TBC1D30: variants seen among roughly 807,000 people sequenced by gnomAD.
TBC1D30 encodes the protein TBC1 domain family, member 30.
A neutral mutation model predicts 63.2 loss-of-function variants in TBC1D30; 31 were observed. That is an observed-to-expected ratio of 0.49 (90% CI 0.37 to 0.66). TBC1D30 has a LOEUF of 0.66. TBC1D30 is among the 30% of genes least tolerant of loss of function. The pLI, the probability that TBC1D30 is intolerant of heterozygous loss-of-function variation, is 0.00. For missense variants in TBC1D30, 810 were observed against 953.6 expected (o/e 0.85, Z 1.98); for synonymous variants, 307 against 361.5 (o/e 0.85, Z 1.71).
At chr12:64,767,513 A>G (rs1273788984) in intron 1 of TBC1D30, among the ~76,000 whole-genome samples, 1 of 152,116 alleles carries the variant, frequency 6.6e-6, no homozygotes, top group Non-Finnish European at 1.5e-5. Flanking sequence ...TTCTGTCCCT[A>G]TCAGAAAAGA....
intron 2 of TBC1D30, among the ~76,000 whole-genome samples, chr12:64,805,229 AG>A (rs2136321930): frequency 6.6e-6 from 1 of 152,294 alleles, no homozygotes; most frequent in African/African-American, 2.4e-5. Flanking sequence ...AAAATAAAAA[AG>A]AGACTTCTTG....
At chr12:64,810,288 G>A (rs1278460857) in intron 2 of TBC1D30, among the ~76,000 whole-genome samples, 1 of 152,158 alleles carries the variant, frequency 6.6e-6, no homozygotes, top group African/African-American at 2.4e-5. Context: ...TGTTCTTACA[G>A]CACCATCTTT....
rs1254882330 is a variant in TBC1D30, at chr12:64,824,779, C to T, written c.-101C>T. 1.4e-6 allele frequency: 2 copies of T among 1,433,766 alleles called. No individual in the cohort carries two copies. Among genetic ancestry groups the T allele is most frequent in the African/African-American group, 2.8e-5 (2 of 70,398 alleles). The allele number at this position is 1,433,766 out of a possible 1,614,324, so 88.8% of individuals were successfully genotyped here. On this transcript the variant is annotated 5_prime_UTR_variant, in exon 1 of 12. Transcript: ENST00000539867. ...CTCCCTGCTCCCACGGGCCGGTCAG[C>T]CGCAGACACTCACCCAGCTCCGCGA... is the stretch of plus-strand genomic sequence containing the variant.
intron 2 of TBC1D30, among the ~76,000 whole-genome samples, chr12:64,800,682 T>G (rs1032791571): frequency 3.3e-5 from 5 of 151,978 alleles, no homozygotes; most frequent in Admixed American, 2.6e-4. Context: ...GGCAGAACCC[T>G]GGGAGAGAGA....
intron 8 of TBC1D30, among the ~76,000 whole-genome samples, chr12:64,850,958 G>A (rs1204448124): frequency 2.6e-5 from 4 of 152,100 alleles, no homozygotes; most frequent in African/African-American, 9.7e-5. Flanking sequence ...ACTTGTTATT[G>A]GTCTATTCAG....
chr12:64,761,152 C>T (rs1176033470), intron 1 of TBC1D30, among the ~76,000 whole-genome samples: 2 of 152,238 alleles, frequency 1.3e-5, no homozygotes, highest in African/African-American at 4.8e-5. Context: ...GTTAGAATAA[C>T]TAATCCTTCT....
rs567271882 is a variant in TBC1D30, at chr12:64,765,996, A to G, written c.-376+6347A>G. ...CACTGCATTCCAGCCTGGGTGACAGAGGGATACCCTGTCTCAAAAATAAAT... is the reference window on the plus strand; with the variant it reads ...CACTGCATTCCAGCCTGGGTGACAGGGGGATACCCTGTCTCAAAAATAAAT... On this transcript the variant is annotated intron_variant, in intron 1 of 13. Transcript: ENST00000674237. 2.0e-5 allele frequency among the ~76,000 whole-genome samples: 3 copies of G among 152,208 alleles called. No individual in the cohort carries two copies. The South Asian group carries it at 6.2e-4, about 32-fold the overall frequency.
chr12:64,875,639 C>T lies in TBC1D30; in HGVS notation c.2137C>T (p.Pro713Ser), dbSNP rs746596156. Reference sequence around the variant, plus strand: ...AAAAACCCCCATCTTTAGCCCTTTTCCCAGCGTCAAGCCCCTGCGGAAATC... The same window carrying T: ...AAAAACCCCCATCTTTAGCCCTTTTTCCAGCGTCAAGCCCCTGCGGAAATC... ...NSKTPIFSPF[P>S]SVKPLRKSAT... The change falls in exon 12 of 12, where the codon CCC (proline) becomes TCC (serine). Residue 713 changes from proline to serine, a missense_variant. By Grantham distance (74) the Pro-to-Ser change is moderately conservative. Around this residue, in one of 4 missense-constraint regions of TBC1D30, gnomAD observed 450 missense variants for 473.0 expected, o/e 0.95. Transcript: ENST00000539867. 101 of 1,536,168 alleles carry T rather than the reference C, an allele frequency of 6.6e-5. No individual in the cohort carries two copies. The highest frequency in any genetic ancestry group is 8.7e-5 in the Non-Finnish European group (100 of 1,146,952).
Position 64,870,799 on chromosome 12 carries a change from A to T in TBC1D30, c.1489A>T (p.Ile497Phe). 1 of 1,536,094 alleles carries T rather than the reference A, an allele frequency of 6.5e-7. No individual in the cohort carries two copies. The highest frequency in any genetic ancestry group is 8.7e-7 in the Non-Finnish European group (1 of 1,146,856). ...KQQQQVHQVY[I>F]RADKGPVTSI... Reference sequence around the variant, plus strand: ...ACAGCAGCAGGTTCATCAGGTGTACATCAGGGCAGGTAATGTGATTCTTCA... The same window carrying T: ...ACAGCAGCAGGTTCATCAGGTGTACTTCAGGGCAGGTAATGTGATTCTTCA... The change falls in exon 11 of 12, where the codon ATC becomes TTC. Residue 497 changes from isoleucine (I) to phenylalanine (F), a missense_variant. Physicochemically the swap from Ile to Phe is conservative, Grantham distance 21. This residue lies in a region of TBC1D30 where 450 missense variants were observed against 473.0 expected (regional missense o/e 0.95). Coordinates refer to ENST00000539867, the MANE Select transcript of TBC1D30 (RefSeq NM_015279.2).
intron 2 of TBC1D30, among the ~76,000 whole-genome samples, chr12:64,797,941 CT>C (rs1872377041): frequency 6.6e-6 from 1 of 152,154 alleles, no homozygotes; most frequent in Non-Finnish European, 1.5e-5. Context: ...TCATTTTATC[CT>C]TAATCTGAAA....
At chr12:64,813,011 A>C (rs1034990025) in intron 2 of TBC1D30, among the ~76,000 whole-genome samples, 3 of 152,170 alleles carry the variant, frequency 2.0e-5, no homozygotes, top group Middle Eastern at 3.2e-3. Context: ...TGGTAACGAA[A>C]ATAAAGAGCA....
chr12:64,838,072 G>A (rs1050626390), intron 6 of TBC1D30, among the ~76,000 whole-genome samples: 1 of 152,116 alleles, frequency 6.6e-6, no homozygotes, highest in African/African-American at 2.4e-5. Context: ...AAGTAAGAGG[G>A]AGTACTATGT....
chr12:64,802,739 A>G (rs577115913), intron 2 of TBC1D30, among the ~76,000 whole-genome samples: 13 of 152,112 alleles, frequency 8.5e-5, no homozygotes, highest in Non-Finnish European at 1.6e-4. Context: ...GATTAAGAAC[A>G]TGTGGTGTTT....
At chr12:64,791,578 G>C (rs1023570268) in intron 2 of TBC1D30, among the ~76,000 whole-genome samples, 2 of 152,072 alleles carry the variant, frequency 1.3e-5, no homozygotes, top group Non-Finnish European at 2.9e-5. Flanking sequence ...GCAGTGGTGT[G>C]ATCACAGTTC....
chr12:64,764,181 T>A (rs779135573), intron 1 of TBC1D30, among the ~76,000 whole-genome samples: 45 of 152,238 alleles, frequency 3.0e-4, no homozygotes, highest in Non-Finnish European at 6.2e-4. Flanking sequence ...CAGAATAGAA[T>A]ACATAATAGT....
In TBC1D30 at chr12:64,858,551, T is replaced by C. The variant is rs74577928; in HGVS notation, c.1039-6117T>C. 7.9e-3 allele frequency among the ~76,000 whole-genome samples: 1,196 copies of C among 152,196 alleles called. 11 individuals carry two copies. The highest frequency in any genetic ancestry group is 0.027 in the African/African-American group (1,105 of 41,530). ...GTTCCCTTTTGGCCCAGGGTGTGGC[T>C]AGAAATGTCATCTGGGAGCTAGGGC... On this transcript the variant is annotated intron_variant, in intron 8 of 11. Transcript: ENST00000539867.
Position 64,875,076 on chromosome 12 carries a change from A to C in TBC1D30, c.1574A>C (p.Lys525Thr). 1 of 1,536,696 alleles carries C rather than the reference A, an allele frequency of 6.5e-7. No individual in the cohort carries two copies. The change falls in exon 12 of 12, where the codon AAG becomes ACG. Residue 525 changes from lysine (K) to threonine (T), a missense_variant. Lys to Thr is a moderately conservative substitution (Grantham distance 78, BLOSUM62 -1). Coordinates refer to ENST00000539867, the MANE Select transcript of TBC1D30 (RefSeq NM_015279.2). ...GTTATAAACCACCTTCTTTTAGGAA[A>C]GAAGATGAAAATGACTAACAGAGCT... Reference protein sequence around the residue: ...SPVINHLLLGKKMKMTNRAAK... With the variant: ...SPVINHLLLGTKMKMTNRAAK...
At chr12:64,765,832 CAA>C (rs142093900) in intron 1 of TBC1D30, among the ~76,000 whole-genome samples, 3 of 116,962 alleles carry the variant, frequency 2.6e-5, no homozygotes, top group Admixed American at 9.2e-5. Flanking sequence ...CCCACCTCTA[CAA>C]AAAAAAAAAA....
rs527810282 is a variant in TBC1D30, at chr12:64,760,104, A to G, written c.-376+455A>G. ...ATGGTTATCCTAATGGTCCTTGGTG[A>G]CTTTTTAAACACCCTCTTGGAACAT... On this transcript the variant is annotated intron_variant, in intron 1 of 13. Transcript: ENST00000674237. 3.3e-5 allele frequency among the ~76,000 whole-genome samples: 5 copies of G among 152,284 alleles called. No homozygotes were observed. In the East Asian group the frequency reaches 9.6e-4, roughly 29 times the overall value.
Sources: gnomAD v4.1 joint callset for allele counts (sites outside exome capture counted in the v4.1 genomes callset) on GRCh38, gnomAD v4.1.1 for gene constraint, gnomAD v4.1.1 regional missense constraint, MANE v1.5 for transcripts, NCBI Gene and HGNC (gene_info 2026-07-23, HGNC 2026-07-21) for gene names.